Variants in FIGNL2 observed in about 807,000 individuals in gnomAD.
FIGNL2 encodes the protein fidgetin-like protein 2.
For missense variants in FIGNL2, 1,060 were observed against 950.2 expected, an observed-to-expected ratio of 1.12 and a Z score of -1.52; for synonymous variants, 565 against 484.0, an observed-to-expected ratio of 1.17 and a Z score of -2.20.
At chr12:51,841,896 C>A in intron 1 of FIGNL2, 1 of 152,352 alleles carries the variant, frequency 6.6e-6, no homozygotes. Flanking sequence ...AGCAAATCCT[C>A]CATGAAAGAT....
In FIGNL2 at chr12:51,819,773, C is replaced by T. The variant is rs565439172; in HGVS notation, c.*679G>A. On this transcript the variant is annotated 3_prime_UTR_variant, in exon 2 of 2. Coordinates refer to ENST00000618634, the MANE Select transcript of FIGNL2 (RefSeq NM_001384995.1). ...TTGGGGACTTTTTTTCCTTGATCCC[C>T]CTAGACCCTAGGTTTCAGATGGGTA... 1 of 152,776 alleles carries T rather than the reference C, an allele frequency of 6.5e-6. No homozygotes were observed. The highest frequency in any genetic ancestry group is 2.1e-4 in the South Asian group (1 of 4,828). The allele number at this position is 152,776 out of a possible 1,614,324, so 9.5% of individuals were successfully genotyped here. A position where few individuals can be genotyped will look rare whatever the true frequency, so the allele number is the denominator to read the frequency against.
chr12:51,822,020 A>G lies in FIGNL2; in HGVS notation c.394T>C (p.Ser132Pro). Residue 132 changes from serine to proline, a missense_variant, in exon 2 of 2, where the codon TCC (serine) becomes CCC (proline). Physicochemically the swap from Ser to Pro is moderately conservative, Grantham distance 74 (BLOSUM62 -1). Coordinates refer to ENST00000618634, the MANE Select transcript of FIGNL2 (RefSeq NM_001384995.1). ...GGGGSGALGG[S>P]PVLAGNLPEP... ...GGGAGGTTCCCGGCTAAAACTGGGG[A>G]GCCCCCCAGGGCCCCGGAACCGCCG... is the stretch of plus-strand genomic sequence containing the variant. 4 of 1,601,022 alleles carry G rather than the reference A, an allele frequency of 2.5e-6. No homozygotes were observed. The highest frequency in any genetic ancestry group is 3.4e-6 in the Non-Finnish European group (4 of 1,174,778).
chr12:51,833,024 C>T (rs1213591144), intron 1 of FIGNL2, among the ~76,000 whole-genome samples: 1 of 152,124 alleles, frequency 6.6e-6, no homozygotes, highest in Non-Finnish European at 1.5e-5. Context: ...ATCACCTGGA[C>T]GACAGCTGCA....
At chr12:51,837,461 TG>T (rs751068517) in intron 1 of FIGNL2, among the ~76,000 whole-genome samples, 17 of 152,142 alleles carry the variant, frequency 1.1e-4, no homozygotes, top group African/African-American at 2.9e-4. Flanking sequence ...TGGGATGGGC[TG>T]GGGGGCTGCC....
rs182869783 is a variant in FIGNL2, at chr12:51,833,866, T to C, written c.-11-11442A>G. ...AAGTTCATGAGAGCAGGGACTTTGT[T>C]TTGTTCACTGTTATATCCCAAGCAC... On this transcript the variant is annotated intron_variant, in intron 1 of 1. Transcript: ENST00000618634. Among the ~76,000 whole-genome samples, 314 of 152,360 alleles carry C rather than the reference T, an allele frequency of 2.1e-3. 2 individuals carry two copies. The highest frequency in any genetic ancestry group is 6.9e-3 in the African/African-American group (286 of 41,586).
At position 51,830,490 on chromosome 12, in the gene FIGNL2, G is replaced by GTTTTTTT. The variant is rs756161863; in HGVS notation, c.-11-8067_-11-8066insAAAAAAA. ...AGAAATTTTAAAATCAAAATATTGAGTTGTTTTTTTTTTTTTTTTGAGATG... is the reference window on the plus strand; with the variant it reads ...AGAAATTTTAAAATCAAAATATTGAGTTTTTTTTTGTTTTTTTTTTTTTTTTGAGATG... On this transcript the variant is annotated intron_variant, in intron 1 of 1. Coordinates refer to ENST00000618634, the MANE Select transcript of FIGNL2 (RefSeq NM_001384995.1). 5.4e-5 allele frequency among the ~76,000 whole-genome samples: 7 copies of GTTTTTTT among 129,040 alleles called. 1 individual carries two copies. Among genetic ancestry groups the GTTTTTTT allele is most frequent in the Non-Finnish European group, 6.8e-5 (4 of 58,498 alleles). The allele number at this position is 129,040 out of a possible 152,430, so 84.7% of individuals were successfully genotyped here. A position where few individuals can be genotyped will look rare whatever the true frequency, so the allele number is the denominator to read the frequency against.
intron 1 of FIGNL2, among the ~76,000 whole-genome samples, chr12:51,834,533 C>T (rs1939548190): frequency 6.6e-6 from 1 of 152,226 alleles, no homozygotes. Context: ...GCGGAGGCCG[C>T]CCCGCCAGTC....
At chr12:51,826,375 T>C (rs2138979780) in intron 1 of FIGNL2, among the ~76,000 whole-genome samples, 1 of 151,750 alleles carries the variant, frequency 6.6e-6, no homozygotes, top group African/African-American at 2.4e-5. Flanking sequence ...ACGCCTGTAA[T>C]CCCAGCACTT....
intron 1 of FIGNL2, among the ~76,000 whole-genome samples, chr12:51,832,924 A>G (rs1939499422): frequency 6.6e-6 from 1 of 152,224 alleles, no homozygotes; most frequent in Non-Finnish European, 1.5e-5. Context: ...TGCTCAAGCC[A>G]GAAACCTTGC....
intron 1 of FIGNL2, chr12:51,845,746 A>C: frequency 6.9e-6 from 6 of 868,024 alleles, no homozygotes; most frequent in Non-Finnish European, 8.3e-6. Context: ...AGGGCTCCTA[A>C]GGGTCCAGCA....
chr12:51,845,641 G>A (rs1939736936), intron 1 of FIGNL2: 2 of 985,300 alleles, frequency 2.0e-6, no homozygotes, highest in Non-Finnish European at 2.4e-6. Flanking sequence ...AAGTCCAGGA[G>A]AGGCAAAGTT....
chr12:51,826,880 A>C (rs928811854), intron 1 of FIGNL2, among the ~76,000 whole-genome samples: 1 of 151,266 alleles, frequency 6.6e-6, no homozygotes, highest in Non-Finnish European at 1.5e-5. Context: ...GTCTGAATAC[A>C]CACCAACATG....
At chr12:51,823,644 C>G (rs1242001259) in intron 1 of FIGNL2, 1 of 152,242 alleles carries the variant, frequency 6.6e-6, no homozygotes, top group Non-Finnish European at 1.5e-5. Flanking sequence ...GATAAAATAT[C>G]TCAAAGACTA....
chr12:51,845,580 C>T, intron 1 of FIGNL2: 1 of 985,444 alleles, frequency 1.0e-6, no homozygotes, highest in South Asian at 4.7e-5. Flanking sequence ...AGCCATGCTC[C>T]TTCCAGGAAC....
At chr12:51,832,352 CTA>C in intron 1 of FIGNL2, among the ~76,000 whole-genome samples, 1 of 152,034 alleles carries the variant, frequency 6.6e-6, no homozygotes, top group East Asian at 1.9e-4. Flanking sequence ...CAGCTACATT[CTA>C]TCTCTCTCTC....
chr12:51,847,704 A>T (rs1939782161), intron 1 of FIGNL2: 1 of 985,362 alleles, frequency 1.0e-6, no homozygotes, highest in South Asian at 4.7e-5. Context: ...GGGGAAGGGC[A>T]CCAGCATTTG....
chr12:51,828,610 A>G (rs1939391733), intron 1 of FIGNL2: 1 of 152,206 alleles, frequency 6.6e-6, no homozygotes, highest in African/African-American at 2.4e-5. Flanking sequence ...ACACTCAGGC[A>G]CCTATCTCCC....
At chr12:51,826,220 C>T (rs551927201) in intron 1 of FIGNL2, among the ~76,000 whole-genome samples, 13 of 152,298 alleles carry the variant, frequency 8.5e-5, no homozygotes, top group African/African-American at 2.6e-4. Context: ...AAAATGACCT[C>T]TCTTGACCCT....
At position 51,820,677 on chromosome 12, in the gene FIGNL2, ACTGAGCGCGCAGCCCTG is replaced by A; in HGVS notation, c.1720_1736del (p.Gln574Ter). The A allele has an allele frequency of 6.6e-7, 1 of 1,512,536 alleles. No individual in the cohort carries two copies. The allele number at this position is 1,512,536 out of a possible 1,614,324, so 93.7% of individuals were successfully genotyped here. A position where few individuals can be genotyped will look rare whatever the true frequency, so the allele number is the denominator to read the frequency against. ...GCACCAGCGCCGCCAGTTCCCGCTC[ACTGAGCGCGCAGCCCTG>A]CTGGGCCAGCGCCCGCTGCAGGATC... On this transcript the variant is annotated frameshift_variant, in exon 2 of 2. Coordinates refer to ENST00000618634, the MANE Select transcript of FIGNL2 (RefSeq NM_001384995.1). LOFTEE classifies it low-confidence loss of function (END_TRUNC).
Sources: allele counts gnomAD v4.1 joint callset (sites outside exome capture counted in the v4.1 genomes callset), GRCh38; gene constraint gnomAD v4.1.1; transcripts MANE v1.5; gene names NCBI Gene and HGNC (gene_info 2026-07-23, HGNC 2026-07-21).